Variants in HSD17B12 observed in about 807,000 individuals in gnomAD.
The protein encoded by HSD17B12 is hydroxysteroid 17-beta dehydrogenase 12, also known as very-long-chain 3-oxoacyl-CoA reductase.
A neutral mutation model predicts 39.3 loss-of-function variants in HSD17B12; 32 were observed. That is an observed-to-expected ratio of 0.81 (90% confidence interval 0.61 to 1.09). The LOEUF is 1.09. HSD17B12 is among the 50% of genes least tolerant of loss of function. The pLI is 0.00. For missense variants in HSD17B12, 342 were observed against 382.9 expected (o/e 0.89, Z 0.89); for synonymous variants, 150 against 146.7 (o/e 1.02, Z -0.16).
At chr11:43,718,527 G>T in intron 1 of HSD17B12, 3 of 343,144 alleles carry the variant, frequency 8.7e-6, no homozygotes, top group Non-Finnish European at 1.6e-5. Flanking sequence ...GTGAGACAGG[G>T]GCAAGAAAAC....
chr11:43,752,430 T>C (rs1590719398), intron 2 of HSD17B12, among the ~76,000 whole-genome samples: 1 of 152,172 alleles, frequency 6.6e-6, no homozygotes, highest in South Asian at 2.1e-4. Context: ...ATGGTGATTT[T>C]TGGCCAGGTG....
At chr11:43,685,347 G>GCA (rs1444196985) in intron 1 of HSD17B12, among the ~76,000 whole-genome samples, 6 of 152,088 alleles carry the variant, frequency 3.9e-5, no homozygotes. Context: ...TTGGTTAACT[G>GCA]CACAGGGTTA....
At chr11:43,681,031 G>A (rs4573669) in intron 1 of HSD17B12, 44 bp downstream of exon 1, 1,136,971 of 1,534,564 alleles carry the variant, frequency 0.74, 423,751 homozygotes, top group East Asian at 0.95. Context: ...GCGGCGGCCC[G>A]GACCAGGCCT....
Position 43,854,738 on chromosome 11 carries a change from T to C in HSD17B12, c.708T>C (p.Ala236=), listed in dbSNP as rs750566613. The change falls in exon 10 of 11, where the codon GCT becomes GCC. Residue 236 remains alanine (A), a synonymous_variant. Coordinates refer to ENST00000278353, the MANE Select transcript of HSD17B12 (RefSeq NM_016142.3). The part of the protein sequence containing the change: ...FVQSVLPYFV[A]TKLAKIRKPT... The stretch of plus-strand genomic sequence containing the variant: ...AGAGTGTCCTGCCATACTTCGTAGC[T>C]ACAAAACTGGCTAAAATCCGGAAGC... 5.0e-6 allele frequency: 8 copies of C among 1,614,050 alleles called. No individual in the cohort carries two copies. Among genetic ancestry groups the C allele is most frequent in the Non-Finnish European group, 6.8e-6 (8 of 1,180,040 alleles).
At chr11:43,623,626 T>C in the HSD17B12 span, among the ~76,000 whole-genome samples, 1 of 152,070 alleles carries the variant, frequency 6.6e-6, no homozygotes, top group Non-Finnish European at 1.5e-5. Flanking sequence ...ACATTTTTAT[T>C]TCTGGCTTTA....
At chr11:43,640,713 C>A in the HSD17B12 span, among the ~76,000 whole-genome samples, 1 of 151,748 alleles carries the variant, frequency 6.6e-6, no homozygotes, top group Non-Finnish European at 1.5e-5. Flanking sequence ...ATAAATAAGA[C>A]CCCCAAAATA....
At chr11:43,587,600 A>G in the HSD17B12 span, among the ~76,000 whole-genome samples, 2 of 152,250 alleles carry the variant, frequency 1.3e-5, no homozygotes, top group South Asian at 2.1e-4. Context: ...TAAATGCTGA[A>G]CAGCAGCTCG....
chr11:43,772,233 G>C (rs749352824), intron 3 of HSD17B12, among the ~76,000 whole-genome samples: 1 of 152,102 alleles, frequency 6.6e-6, no homozygotes, highest in African/African-American at 2.4e-5. Flanking sequence ...TAAATATGTT[G>C]CAGCTTACTG....
the HSD17B12 span, chr11:43,559,870 G>A: frequency 1.0e-3 from 156 of 155,988 alleles, no homozygotes; most frequent in Non-Finnish European, 5.9e-4. Context: ...TTTCTCAAAA[G>A]AAACCTAAGG....
At chr11:43,835,114 C>T (rs36037888) in intron 7 of HSD17B12, among the ~76,000 whole-genome samples, 1,545 of 152,266 alleles carry the variant, frequency 0.01, 17 homozygotes, top group Middle Eastern at 0.02. Flanking sequence ...TCTTAATGTA[C>T]CTTCCAATCT....
chr11:43,750,774 T>C, intron 1 of HSD17B12, 137 bp from the exon 2 acceptor site: 1 of 508,506 alleles, frequency 2.0e-6, no homozygotes, highest in Non-Finnish European at 3.5e-6. Flanking sequence ...AACCTTAGAT[T>C]TGAACCGCTG....
At chr11:43,689,964 C>T (rs1477199352) in intron 1 of HSD17B12, among the ~76,000 whole-genome samples, 3 of 152,174 alleles carry the variant, frequency 2.0e-5, no homozygotes, top group South Asian at 2.1e-4. Flanking sequence ...ACAACCTTGG[C>T]ATTGTTGCTT....
At chr11:43,673,492 C>CTTTTTTTTTTTTTTTTTTTTTTTTTT in the HSD17B12 span, 1 of 83,872 alleles carries the variant, frequency 1.2e-5, no homozygotes, top group African/African-American at 4.5e-5. Flanking sequence ...CTTTTCTTTT[C>CTTTTTTTTTTTTTTTTTTTTTTTTTT]TTTTTTTTTT....
At chr11:43,736,260 C>G (rs575392448) in intron 1 of HSD17B12, among the ~76,000 whole-genome samples, 1 of 152,192 alleles carries the variant, frequency 6.6e-6, no homozygotes, top group African/African-American at 2.4e-5. Flanking sequence ...GAGTAACTGC[C>G]TTTAAGCAAA....
chr11:43,575,043 G>A, the HSD17B12 span, among the ~76,000 whole-genome samples: 117 of 152,342 alleles, frequency 7.7e-4, 1 homozygote, highest in East Asian at 0.013. The surrounding 1 kb of genome is among the most constrained non-coding windows in gnomAD (Gnocchi z 4.1). Flanking sequence ...GCCTTCGAGG[G>A]CGGTGGATTT....
the HSD17B12 span, among the ~76,000 whole-genome samples, chr11:43,565,742 G>A: frequency 1.1e-3 from 165 of 152,292 alleles, no homozygotes; most frequent in Middle Eastern, 6.8e-3. Flanking sequence ...TTTGTTCTGC[G>A]TGGCTTCGCA....
chr11:43,705,848 A>G (rs1590676646), intron 1 of HSD17B12, among the ~76,000 whole-genome samples: 2 of 129,520 alleles, frequency 1.5e-5, no homozygotes. Flanking sequence ...TGCAGTCTTC[A>G]CCTCCCCGGC....
At chr11:43,592,548 G>T in the HSD17B12 span, among the ~76,000 whole-genome samples, 1 of 152,108 alleles carries the variant, frequency 6.6e-6, no homozygotes, top group East Asian at 1.9e-4. Context: ...CCCACCTGGT[G>T]TGTTTAAATA....
In HSD17B12 at chr11:43,697,708, A is replaced by G. The variant is rs115960255; in HGVS notation, c.160+16721A>G. On this transcript the variant is annotated intron_variant, in intron 1 of 10. Coordinates refer to ENST00000278353, the MANE Select transcript of HSD17B12 (RefSeq NM_016142.3). ...GGGGACTATTTCAAGCAGTGAGAACACCTTGGGTGAAGACCTTGAGGAAAC... is the reference window on the plus strand; with the variant it reads ...GGGGACTATTTCAAGCAGTGAGAACGCCTTGGGTGAAGACCTTGAGGAAAC... Among the ~76,000 whole-genome samples the G allele has an allele frequency of 7.3e-3, 1,108 of 152,274 alleles. 10 individuals carry two copies. The highest frequency in any genetic ancestry group is 0.025 in the African/African-American group (1,057 of 41,556).
Sources: gnomAD v4.1 joint callset for allele counts (sites outside exome capture counted in the v4.1 genomes callset) on GRCh38, gnomAD v4.1.1 for gene constraint, Gnocchi (gnomAD v3.1) non-coding constraint, MANE v1.5 for transcripts, NCBI Gene and HGNC (gene_info 2026-07-23, HGNC 2026-07-21) for gene names.